ANKRD26: variants seen among roughly 807,000 people sequenced by gnomAD.
ANKRD26 encodes ankyrin repeat domain 26, also known as ankyrin repeat domain-containing protein 26.
A neutral mutation model predicts 208.7 loss-of-function variants in ANKRD26; 141 were observed. The ratio of observed to expected loss-of-function variants is 0.68; its 90% CI spans 0.59 to 0.78. The LOEUF is 0.78. ANKRD26 is among the 30% of genes least tolerant of loss of function. The probability of loss-of-function intolerance (pLI) is 0.00; values close to 1 mark genes in which losing one functional copy is unlikely to be tolerated. For synonymous variants in ANKRD26, 636 were observed against 660.4 expected, an observed-to-expected ratio of 0.96 and a Z score of 0.57; for missense variants, 1,889 against 1,938.7, an observed-to-expected ratio of 0.97 and a Z score of 0.48.
intron 30 of ANKRD26, among the ~76,000 whole-genome samples, chr10:27,017,176 A>G (rs1162589051): frequency 3.3e-5 from 5 of 152,260 alleles, no homozygotes; most frequent in Non-Finnish European, 7.3e-5. Flanking sequence ...AAAATTTTAA[A>G]AAGTGAGCAA....
intron 20 of ANKRD26, among the ~76,000 whole-genome samples, chr10:27,041,104 G>A (rs1224022000): frequency 2.0e-5 from 3 of 151,956 alleles, no homozygotes; most frequent in African/African-American, 7.2e-5. Flanking sequence ...CCAGAGACCC[G>A]CTTTCAGAGT....
the ANKRD26 span, among the ~76,000 whole-genome samples, chr10:26,954,298 T>C: frequency 2.6e-5 from 4 of 152,198 alleles, no homozygotes; most frequent in African/African-American, 9.7e-5. Context: ...AGGGAGCAAA[T>C]TGTCCTAATG....
intron 5 of ANKRD26, among the ~76,000 whole-genome samples, chr10:26,979,928 TTG>T (rs1422062360): frequency 1.1e-5 from 1 of 87,328 alleles, no homozygotes; most frequent in Non-Finnish European, 2.6e-5. Context: ...TGGCAGTCTT[TTG>T]TTTTTTTTTT....
intron 27 of ANKRD26, among the ~76,000 whole-genome samples, chr10:27,025,331 G>A (rs1196968584): frequency 6.6e-6 from 1 of 151,816 alleles, no homozygotes; most frequent in Non-Finnish European, 1.5e-5. Context: ...CCACCACATC[G>A]GCTAATTTAT....
intron 10 of ANKRD26, among the ~76,000 whole-genome samples, chr10:27,066,870 C>T (rs571996113): frequency 4.0e-5 from 6 of 151,674 alleles, no homozygotes; most frequent in African/African-American, 1.5e-4. Flanking sequence ...TGCAGTGGCG[C>T]AATCTCAGCC....
chr10:27,081,637 T>G (rs1418964144), intron 6 of ANKRD26, among the ~76,000 whole-genome samples: 1 of 152,054 alleles, frequency 6.6e-6, no homozygotes, highest in African/African-American at 2.4e-5. Context: ...TTGATTCTGT[T>G]GATAGGAAAA....
downstream of ANKRD26, among the ~76,000 whole-genome samples, chr10:26,999,566 C>A (rs147747849): frequency 1.2e-3 from 186 of 152,190 alleles, no homozygotes; most frequent in African/African-American, 4.1e-3. Flanking sequence ...TTATATGCAC[C>A]TGCCAGGTGA....
chr10:27,053,415 T>G (rs759212273), intron 15 of ANKRD26, 25 bp from the exon 16 acceptor site: 4 of 1,509,178 alleles, frequency 2.7e-6, no homozygotes, highest in South Asian at 2.3e-5. Context: ...ATATTTAGTT[T>G]AATGAACTAC....
intron 15 of ANKRD26, 72 bp downstream of exon 15, chr10:27,060,271 CTG>C (rs1041692704): frequency 7.6e-6 from 10 of 1,321,462 alleles, no homozygotes; most frequent in Non-Finnish European, 1.1e-5. Context: ...AATAAGAAAA[CTG>C]TGAGCATTTC....
chr10:27,043,411 A>T lies in ANKRD26; in HGVS notation c.2161+15T>A. The T allele has an allele frequency of 6.2e-7, 1 of 1,613,396 alleles. No individual in the cohort carries two copies. Among genetic ancestry groups the T allele is most frequent in the South Asian group, 1.1e-5 (1 of 91,036 alleles). ...GGATACATAAAAAGGCCTTAAATTT[A>T]TGCAATGGTCCTACCTTTACACTCC... On this transcript the variant is annotated intron_variant, in intron 20 of 33. Transcript: ENST00000376087.
chr10:27,065,741 A>C (rs1251999236), intron 11 of ANKRD26, among the ~76,000 whole-genome samples: 1 of 150,124 alleles, frequency 6.7e-6, no homozygotes, highest in African/African-American at 2.4e-5. Flanking sequence ...ACAAAAAAAA[A>C]AAACAAAAAA....
chr10:26,997,066 A>C (rs2052609751), intron 4 of ANKRD26, among the ~76,000 whole-genome samples: 1 of 152,060 alleles, frequency 6.6e-6, no homozygotes, highest in South Asian at 2.1e-4. Context: ...TTTGATAAAA[A>C]AAAATATACG....
chr10:27,085,927 ATTTC>A (rs969071522), intron 5 of ANKRD26, among the ~76,000 whole-genome samples: 14 of 152,080 alleles, frequency 9.2e-5, no homozygotes, highest in South Asian at 2.1e-4. Context: ...CTTAATCATA[ATTTC>A]TTTCTTGTAG....
At chr10:27,022,266 G>A (rs2053514915) in intron 29 of ANKRD26, among the ~76,000 whole-genome samples, 2 of 152,116 alleles carry the variant, frequency 1.3e-5, no homozygotes. Flanking sequence ...GCCTCCTAGA[G>A]GATGGAGGGT....
At chr10:26,966,090 T>A in the ANKRD26 span, among the ~76,000 whole-genome samples, 1 of 152,190 alleles carries the variant, frequency 6.6e-6, no homozygotes. Flanking sequence ...CTCAAGGACA[T>A]AGAACCAGAA....
At chr10:26,964,564 T>TTTGATTCA in the ANKRD26 span, among the ~76,000 whole-genome samples, 1 of 152,146 alleles carries the variant, frequency 6.6e-6, no homozygotes, top group African/African-American at 2.4e-5. Context: ...AGAAATAGTG[T>TTTGATTCA]TTGATTCATA....
At chr10:27,081,283 A>C (rs1243608416) in intron 6 of ANKRD26, among the ~76,000 whole-genome samples, 1 of 152,078 alleles carries the variant, frequency 6.6e-6, no homozygotes, top group Non-Finnish European at 1.5e-5. Flanking sequence ...AAAAACCCCA[A>C]TATTCTGATC....
At chr10:26,970,914 T>C (rs1335805734), downstream of ANKRD26, among the ~76,000 whole-genome samples, 1 of 152,164 alleles carries the variant, frequency 6.6e-6, no homozygotes, top group African/African-American at 2.4e-5. Flanking sequence ...AGGTTTCTAG[T>C]TTGGATGACT....
chr10:26,958,073 T>TTATATATATATATATATATA, the ANKRD26 span, among the ~76,000 whole-genome samples: 441 of 144,148 alleles, frequency 3.1e-3, 3 homozygotes, highest in African/African-American at 8.6e-3. Flanking sequence ...TCACCCAGTT[T>TTATATATATATATATATATA]TATATATATA....
Sources: allele counts gnomAD v4.1 joint callset (sites outside exome capture counted in the v4.1 genomes callset), GRCh38; gene constraint gnomAD v4.1.1; transcripts MANE v1.5; gene names NCBI Gene and HGNC (gene_info 2026-07-23, HGNC 2026-07-21).